The following CACNA1A variants were observed in gnomAD, a reference collection of about 807,000 sequenced individuals.
CACNA1A encodes voltage-dependent P/Q-type calcium channel subunit alpha-1A.
A neutral mutation model predicts 262.4 loss-of-function variants in CACNA1A; 57 were observed. That is an observed-to-expected ratio of 0.22 (90% CI 0.18 to 0.27). The LOEUF (loss-of-function observed/expected upper bound fraction) is 0.27. Among genes scored for constraint, CACNA1A ranks in the 10% least tolerant of loss-of-function variants. CACNA1A has a pLI of 1.00. For missense variants in CACNA1A, 2,526 were observed against 3,562.8 expected (o/e 0.71, Z 7.41); for synonymous variants, 1,431 against 1,419.3 (o/e 1.01, Z -0.18).
chr19:13,273,665 T>TG (rs2057077998), intron 24 of CACNA1A: 1 of 152,062 alleles, frequency 6.6e-6, no homozygotes, highest in Non-Finnish European at 1.5e-5. Context: ...CTGTTTTTTT[T>TG]GTACTCATCA....
intron 3 of CACNA1A, among the ~76,000 whole-genome samples, chr19:13,410,315 C>G (rs952300867): frequency 6.6e-5 from 10 of 151,856 alleles, no homozygotes; most frequent in African/African-American, 2.4e-4. Flanking sequence ...CAGCCTCGAC[C>G]TCCCAGGCTC....
intron 10 of CACNA1A, among the ~76,000 whole-genome samples, chr19:13,320,545 T>C (rs1402486595): frequency 6.6e-6 from 1 of 152,016 alleles, no homozygotes; most frequent in African/African-American, 2.4e-5. Flanking sequence ...TGCCAGCCAT[T>C]GAGAAAGTCC....
chr19:13,487,704 A>G (rs1392150604), intron 1 of CACNA1A, among the ~76,000 whole-genome samples: 1 of 151,708 alleles, frequency 6.6e-6, no homozygotes, highest in Non-Finnish European at 1.5e-5. Context: ...ACCCAAACCC[A>G]TTAACCATTA....
chr19:13,215,444 C>T (rs2054973675), intron 38 of CACNA1A, among the ~76,000 whole-genome samples: 3 of 150,984 alleles, frequency 2.0e-5, no homozygotes, highest in South Asian at 2.1e-4. Context: ...CTCAGCCTCC[C>T]GAGTAGCTGG....
At chr19:13,356,389 T>C (rs1179594217) in intron 6 of CACNA1A, among the ~76,000 whole-genome samples, 2 of 152,202 alleles carry the variant, frequency 1.3e-5, no homozygotes, top group Non-Finnish European at 2.9e-5. Context: ...TGCCGAAGGC[T>C]GCACAGCAAG....
chr19:13,311,638 C>T (rs953483288), intron 12 of CACNA1A, among the ~76,000 whole-genome samples: 6 of 152,134 alleles, frequency 3.9e-5, no homozygotes, highest in African/African-American at 7.2e-5. Context: ...GAGATCAAGA[C>T]CATCCTGGCT....
chr19:13,299,066 T>A lies in CACNA1A; in HGVS notation c.2567A>T (p.Asp856Val). ...GTAGCGGGCCTGTTTCCTGAGGAAG[T>A]CCTCGGCGCGCTGCTGGCCGAGGCG... ...DQRLGQQRAE[D>V]FLRKQARYHD... Residue 856 changes from aspartate to valine, a missense_variant, in exon 19 of 47, where the codon GAC (aspartate) becomes GTC (valine). By Grantham distance (152) the Asp-to-Val change is radical (BLOSUM62 -3). Coordinates refer to ENST00000360228, the MANE Select transcript of CACNA1A (RefSeq NM_001127222.2). 1 of 1,607,292 alleles carries A rather than the reference T, an allele frequency of 6.2e-7. No individual in the cohort carries two copies. Among genetic ancestry groups the A allele is most frequent in the Non-Finnish European group, 8.5e-7 (1 of 1,179,002 alleles).
chr19:13,370,508 A>G (rs1411264867), intron 4 of CACNA1A, among the ~76,000 whole-genome samples: 1 of 151,758 alleles, frequency 6.6e-6, no homozygotes, highest in Non-Finnish European at 1.5e-5. Flanking sequence ...AGCTCACTGC[A>G]GCCTTGACCT....
chr19:13,485,885 C>T (rs1437100575), intron 1 of CACNA1A, among the ~76,000 whole-genome samples: 5 of 152,182 alleles, frequency 3.3e-5, no homozygotes, highest in Non-Finnish European at 5.9e-5. Flanking sequence ...AGAGAGACCC[C>T]TGCAAGCGAG....
intron 3 of CACNA1A, 198 bp downstream of exon 3, chr19:13,452,678 A>T: frequency 2.0e-6 from 1 of 507,050 alleles, no homozygotes; most frequent in Non-Finnish European, 3.5e-6. Flanking sequence ...TATTATTTTA[A>T]TTGTAACAGA....
chr19:13,222,812 A>G (rs1329151939), intron 38 of CACNA1A, among the ~76,000 whole-genome samples: 3 of 149,690 alleles, frequency 2.0e-5, no homozygotes, highest in Non-Finnish European at 4.4e-5. Flanking sequence ...CTCCTGCCTC[A>G]GCCTCCGGAG....
intron 11 of CACNA1A, chr19:13,315,858 G>T (rs2058116852): frequency 6.6e-6 from 1 of 152,248 alleles, no homozygotes; most frequent in Non-Finnish European, 1.5e-5. Flanking sequence ...GTAGGCAAAA[G>T]ACGTTTTGAG....
chr19:13,255,528 T>C (rs561364577), intron 28 of CACNA1A, among the ~76,000 whole-genome samples: 2 of 152,230 alleles, frequency 1.3e-5, no homozygotes, highest in South Asian at 2.1e-4. Flanking sequence ...ACATGGGAAG[T>C]GGGTACTATC....
intron 3 of CACNA1A, among the ~76,000 whole-genome samples, chr19:13,382,713 G>C (rs745891133): frequency 6.6e-6 from 1 of 152,158 alleles, no homozygotes; most frequent in Non-Finnish European, 1.5e-5. Flanking sequence ...AGTTAGGAGG[G>C]AGCCGCAAGA....
At chr19:13,230,746 G>A (rs1375480529) in intron 35 of CACNA1A, among the ~76,000 whole-genome samples, 1 of 151,830 alleles carries the variant, frequency 6.6e-6, no homozygotes, top group Non-Finnish European at 1.5e-5. Flanking sequence ...GGTGGAGGCT[G>A]CAGTGAGCTG....
intron 15 of CACNA1A, among the ~76,000 whole-genome samples, chr19:13,307,092 A>G (rs1395155528): frequency 6.6e-6 from 1 of 151,922 alleles, no homozygotes; most frequent in African/African-American, 2.4e-5. Context: ...CTGCCCTAGT[A>G]GCTAGGAGGT....
chr19:13,392,714 G>A (rs1246856755), intron 3 of CACNA1A, among the ~76,000 whole-genome samples: 2 of 151,598 alleles, frequency 1.3e-5, no homozygotes, highest in Non-Finnish European at 2.9e-5. Context: ...AAACTGTTGG[G>A]CAGTTTCCTT....
At chr19:13,262,969 C>T in intron 24 of CACNA1A, 136 bp from the exon 25 acceptor site, 1 of 682,672 alleles carries the variant, frequency 1.5e-6, no homozygotes, top group Non-Finnish European at 2.7e-6. Context: ...ACAGCCCTGC[C>T]CTTCCTGGTG....
intron 24 of CACNA1A, chr19:13,274,727 T>C (rs2057105703): frequency 6.6e-6 from 1 of 150,490 alleles, no homozygotes; most frequent in African/African-American, 2.5e-5. Context: ...TTTGAAATGG[T>C]TGCCCTAGAA....
Sources: gnomAD v4.1 joint callset for allele counts (sites outside exome capture counted in the v4.1 genomes callset) on GRCh38, gnomAD v4.1.1 for gene constraint, MANE v1.5 for transcripts, NCBI Gene and HGNC (gene_info 2026-07-23, HGNC 2026-07-21) for gene names.